The following WRAP53 variants were observed in gnomAD, a reference collection of about 807,000 sequenced individuals.
The protein encoded by WRAP53 is telomerase Cajal body protein 1.
WRAP53 carries 28 observed loss-of-function variants against 56.6 expected under a neutral mutation model. The observed-to-expected ratio is 0.50, with a 90% CI of 0.37 to 0.68. The LOEUF is 0.68. WRAP53 is among the 30% of genes least tolerant of loss of function. The probability of loss-of-function intolerance (pLI) is 0.00; values close to 1 mark genes in which losing one functional copy is unlikely to be tolerated. For synonymous variants in WRAP53, 283 were observed against 283.4 expected (o/e 1.00, Z 0.01); for missense variants, 671 against 715.5 (o/e 0.94, Z 0.71).
chr17:7,692,746 CTTTTTTT>C (rs1177019881), intron 4 of WRAP53, among the ~76,000 whole-genome samples: 8 of 98,066 alleles, frequency 8.2e-5, no homozygotes, highest in East Asian at 2.7e-4. Context: ...GGTCATTCTC[CTTTTTTT>C]TTTTTTTTTT....
chr17:7,702,557 G>A lies in WRAP53; in HGVS notation c.1164+5G>A, dbSNP rs1212939102. On this transcript the variant is annotated splice_donor_5th_base_variant and intron_variant, in intron 8 of 10. Transcript: ENST00000396463. The surrounding 1 kb of genome is among the most constrained non-coding windows in gnomAD (Gnocchi z 5.0). ...TTCTTCTCAGGAGCCCGCAAGGTAGGGGTCACACCCTGAGAGCCCAAAGCA... is the reference window on the plus strand; with the variant it reads ...TTCTTCTCAGGAGCCCGCAAGGTAGAGGTCACACCCTGAGAGCCCAAAGCA... The A allele has an allele frequency of 6.2e-7, 1 of 1,606,522 alleles. No homozygotes were observed. Among genetic ancestry groups the A allele is most frequent in the East Asian group, 2.2e-5 (1 of 44,788 alleles).
upstream of WRAP53, chr17:7,687,606 A>C: frequency 2.5e-6 from 1 of 398,910 alleles, no homozygotes; most frequent in Non-Finnish European, 4.4e-6. Context: ...AAGTAAGGGC[A>C]AGTAATCCGC....
At chr17:7,700,229 A>AT (rs2074256427) in intron 4 of WRAP53, among the ~76,000 whole-genome samples, 2 of 151,920 alleles carry the variant, frequency 1.3e-5, no homozygotes, top group African/African-American at 4.8e-5. Flanking sequence ...TTGTACTAAT[A>AT]TTTTTTTAAA....
chr17:7,701,558 C>G lies in WRAP53; in HGVS notation c.822+9C>G. 6.2e-7 allele frequency: 1 copy of G among 1,614,240 alleles called. No homozygotes were observed. The highest frequency in any genetic ancestry group is 8.5e-7 in the Non-Finnish European group (1 of 1,180,044). On this transcript the variant is annotated intron_variant, in intron 6 of 10. Coordinates refer to ENST00000396463, the MANE Select transcript of WRAP53 (RefSeq NM_001143992.2). This position sits in a 1 kb window ranked among gnomAD's most constrained non-coding sequence, Gnocchi z 4.2. ...GCGCCTACAACCACCTGGTAGGGAC[C>G]GCCATACTCAGCCCCAGCACTCGTA...
At position 7,699,741 on chromosome 17, in the gene WRAP53, C is replaced by T. The variant is rs530082208; in HGVS notation, c.643-1000C>T. Among the ~76,000 whole-genome samples, 5 of 149,004 alleles carry T rather than the reference C, an allele frequency of 3.4e-5. No homozygotes were observed. In the South Asian group the frequency reaches 6.3e-4, roughly 19 times the overall value. ...TTTTGTAAGGAGGTTTTTTTGTTTC[C>T]ATTTTTGTATTTTTGAGACAGTGTT... On this transcript the variant is annotated intron_variant, in intron 4 of 10. Transcript: ENST00000396463.
upstream of WRAP53, chr17:7,687,555 C>A (rs1010820110): frequency 9.8e-5 from 39 of 398,602 alleles, no homozygotes; most frequent in African/African-American, 6.4e-4. Context: ...CCCATCAACC[C>A]CTGCGAGGCT....
At chr17:7,689,523 C>A in intron 3 of WRAP53, 67 bp from the exon 4 acceptor site, 1 of 1,501,104 alleles carries the variant, frequency 6.7e-7, no homozygotes, top group Non-Finnish European at 9.3e-7. Flanking sequence ...CAGAGGCAGG[C>A]TCAGCCCTAG....
intron 4 of WRAP53, among the ~76,000 whole-genome samples, chr17:7,696,437 T>C (rs2074186689): frequency 6.6e-6 from 1 of 151,710 alleles, no homozygotes; most frequent in Non-Finnish European, 1.5e-5. Context: ...TAGCTGGGAC[T>C]ACAGGCGCCC....
chr17:7,690,522 A>G (rs79952498), intron 4 of WRAP53, among the ~76,000 whole-genome samples: 3,099 of 152,330 alleles, frequency 0.02, 41 homozygotes, highest in African/African-American at 0.042. Flanking sequence ...GAAGGAGGAT[A>G]AGGGATCAGT....
intron 4 of WRAP53, among the ~76,000 whole-genome samples, chr17:7,692,582 C>T (rs1019630116): frequency 7.2e-6 from 1 of 139,408 alleles, no homozygotes; most frequent in Non-Finnish European, 1.5e-5. Flanking sequence ...GATTGCACCA[C>T]TGCACTCCAG....
At chr17:7,699,522 T>TATATTTTTATATATATATATA (rs1567577715) in intron 4 of WRAP53, among the ~76,000 whole-genome samples, 3 of 14,110 alleles carry the variant, frequency 2.1e-4, no homozygotes, top group Non-Finnish European at 3.5e-4. Flanking sequence ...ATATATATAT[T>TATATTTTTATATATATATATA]TATATATATA....
At chr17:7,696,959 A>G (rs1462989863) in intron 4 of WRAP53, among the ~76,000 whole-genome samples, 1 of 152,218 alleles carries the variant, frequency 6.6e-6, no homozygotes, top group Non-Finnish European at 1.5e-5. Flanking sequence ...GCTGGTTGAC[A>G]TCAGCCTGAG....
chr17:7,702,100 A>G lies in WRAP53; in HGVS notation c.956-244A>G. 1 of 703,574 alleles carries G rather than the reference A, an allele frequency of 1.4e-6. No homozygotes were observed. The highest frequency in any genetic ancestry group is 2.7e-5 in the East Asian group (1 of 37,122). The allele number at this position is 703,574 out of a possible 1,614,324, so 43.6% of individuals were successfully genotyped here. On this transcript the variant is annotated intron_variant, in intron 7 of 10. Transcript: ENST00000396463. This position sits in a 1 kb window ranked among gnomAD's most constrained non-coding sequence, Gnocchi z 5.0. The stretch of plus-strand genomic sequence containing the variant: ...TGATTCCGTTTTCCTGTAGGCCTTC[A>G]ACTTGCATCTCTCCAAGGAAGAACT...
chr17:7,702,231 G>A lies in WRAP53; in HGVS notation c.956-113G>A, dbSNP rs2074284728. ...TCCTGCTTGTGACAGACAGCATGGG[G>A]GGGATGTTGAGTCCAAGCATGTTGG... On this transcript the variant is annotated intron_variant, in intron 7 of 10. Transcript: ENST00000396463. This position sits in a 1 kb window ranked among gnomAD's most constrained non-coding sequence, Gnocchi z 5.0. The A allele has an allele frequency of 8.9e-7, 1 of 1,124,212 alleles. No individual in the cohort carries two copies. Among genetic ancestry groups the A allele is most frequent in the Non-Finnish European group, 1.3e-6 (1 of 748,660 alleles). The allele number at this position is 1,124,212 out of a possible 1,614,324, so 69.6% of individuals were successfully genotyped here.
intron 4 of WRAP53, among the ~76,000 whole-genome samples, chr17:7,692,237 T>C (rs1241038252): frequency 6.6e-6 from 1 of 151,918 alleles, no homozygotes; most frequent in East Asian, 2.0e-4. Flanking sequence ...CCCAACACTT[T>C]GGGAGGCTGA....
chr17:7,695,014 G>C (rs2074163436), intron 4 of WRAP53, among the ~76,000 whole-genome samples: 1 of 151,502 alleles, frequency 6.6e-6, no homozygotes, highest in Non-Finnish European at 1.5e-5. Context: ...GTGCAGTGGC[G>C]CGATCTCAGC....
At chr17:7,687,432 A>G (rs574904138), upstream of WRAP53, 10 of 398,548 alleles carry the variant, frequency 2.5e-5, no homozygotes, top group Admixed American at 4.4e-5. Context: ...CCCGAACGCA[A>G]AGTGTCCCCG....
intron 5 of WRAP53, 106 bp downstream of exon 5, chr17:7,700,935 G>C: frequency 1.2e-6 from 1 of 847,370 alleles, no homozygotes; most frequent in South Asian, 1.3e-5. Context: ...GGAAGGCTTG[G>C]CATGCTTATC....
In WRAP53 at chr17:7,688,667, C is replaced by G; in HGVS notation, c.19C>G (p.Gln7Glu). The G allele has an allele frequency of 6.2e-7, 1 of 1,614,216 alleles. No homozygotes were observed. Among genetic ancestry groups the G allele is most frequent in the South Asian group, 1.1e-5 (1 of 91,078 alleles). ...CTGCAGTATGAAGACTTTGGAGACT[C>G]AACCGTTAGCTCCGGACTGCTGTCC... MKTLET[Q>E]PLAPDCCPSD... The change falls in exon 2 of 11, where the codon CAA becomes GAA. Residue 7 changes from glutamine (Q) to glutamate (E), a missense_variant. Coordinates refer to ENST00000396463, the MANE Select transcript of WRAP53 (RefSeq NM_001143992.2).
Sources: gnomAD v4.1 joint callset for allele counts (sites outside exome capture counted in the v4.1 genomes callset) on GRCh38, gnomAD v4.1.1 for gene constraint, Gnocchi (gnomAD v3.1) non-coding constraint, MANE v1.5 for transcripts, NCBI Gene and HGNC (gene_info 2026-07-23, HGNC 2026-07-21) for gene names.